The following MCC variants were observed in gnomAD, a reference collection of about 807,000 sequenced individuals.
The protein encoded by MCC is MCC regulator of Wnt signaling pathway.
MCC carries 90 observed loss-of-function variants against 116.2 expected under a neutral mutation model. The ratio of observed to expected loss-of-function variants is 0.77; its 90% confidence interval spans 0.65 to 0.92. The LOEUF (loss-of-function observed/expected upper bound fraction) is 0.92, where lower values mean the gene tolerates loss of function less well. Among genes scored for constraint, MCC ranks in the 40% least tolerant of loss-of-function variants. The pLI is 0.00. For missense variants in MCC, 1,516 were observed against 1,312.2 expected (o/e 1.16, Z -2.40); for synonymous variants, 578 against 510.5 (o/e 1.13, Z -1.78).
intron 3 of MCC, among the ~76,000 whole-genome samples, chr5:113,230,713 A>G (rs1302520239): frequency 6.6e-6 from 1 of 152,164 alleles, no homozygotes; most frequent in African/African-American, 2.4e-5. Flanking sequence ...GCAGATATAA[A>G]TATGTGGTGC....
intron 2 of MCC, among the ~76,000 whole-genome samples, chr5:113,376,574 T>TACACACACACACAC (rs1554079796): frequency 1.1e-3 from 166 of 145,884 alleles, no homozygotes; most frequent in Admixed American, 2.2e-3. Flanking sequence ...CCATATTTTA[T>TACACACACACACAC]ACACACACAC....
At chr5:113,441,053 G>A (rs910451973) in intron 1 of MCC, among the ~76,000 whole-genome samples, 1 of 152,176 alleles carries the variant, frequency 6.6e-6, no homozygotes, top group Non-Finnish European at 1.5e-5. Flanking sequence ...AACAAGTTCT[G>A]TCAAGGTGTG....
At chr5:113,087,923 A>G (rs2150246255) in intron 8 of MCC, among the ~76,000 whole-genome samples, 1 of 152,350 alleles carries the variant, frequency 6.6e-6, no homozygotes, top group Admixed American at 6.5e-5. Context: ...GAAAATGTAG[A>G]TGACACTAAA....
chr5:113,214,751 C>G (rs529428790), intron 3 of MCC, among the ~76,000 whole-genome samples: 1 of 152,352 alleles, frequency 6.6e-6, no homozygotes, highest in East Asian at 1.9e-4. Flanking sequence ...ATTTTCCACA[C>G]TGTAGCCAAG....
chr5:113,071,508 C>A (rs1320474772), intron 11 of MCC, among the ~76,000 whole-genome samples: 1 of 152,182 alleles, frequency 6.6e-6, no homozygotes, highest in Admixed American at 6.5e-5. Flanking sequence ...GGGCACAGTG[C>A]TAGGCTCTGG....
intron 6 of MCC, among the ~76,000 whole-genome samples, chr5:113,112,947 T>A (rs1407837702): frequency 1.3e-5 from 2 of 152,248 alleles, no homozygotes; most frequent in African/African-American, 4.8e-5. Flanking sequence ...TCAATTAAGA[T>A]TCCCAAGGTA....
chr5:113,315,842 C>T (rs1391953589), intron 3 of MCC, among the ~76,000 whole-genome samples: 1 of 151,934 alleles, frequency 6.6e-6, no homozygotes, highest in African/African-American at 2.4e-5. Context: ...CACACCACTG[C>T]GCTCCAGCCC....
At chr5:113,158,732 T>G (rs1760314810) in intron 3 of MCC, among the ~76,000 whole-genome samples, 1 of 152,178 alleles carries the variant, frequency 6.6e-6, no homozygotes, top group Admixed American at 6.5e-5. Flanking sequence ...AGAAAACTAA[T>G]AAATATTAGG....
At chr5:113,262,271 CA>C (rs1189687122) in intron 3 of MCC, among the ~76,000 whole-genome samples, 1 of 151,218 alleles carries the variant, frequency 6.6e-6, no homozygotes, top group Admixed American at 6.6e-5. Context: ...TGATTCTAGG[CA>C]TATCAGTGTC....
intron 3 of MCC, among the ~76,000 whole-genome samples, chr5:113,289,194 G>A (rs1477061827): frequency 6.6e-6 from 1 of 151,884 alleles, no homozygotes; most frequent in Non-Finnish European, 1.5e-5. Flanking sequence ...AGCCGGGAGT[G>A]GTGGCACGTG....
intron 7 of MCC, among the ~76,000 whole-genome samples, chr5:113,103,241 T>G (rs1756536464): frequency 6.6e-6 from 1 of 152,210 alleles, no homozygotes; most frequent in African/African-American, 2.4e-5. Context: ...TGCTGCCACT[T>G]TTCCCATGTG....
chr5:113,466,103 A>G (rs1771896939), intron 1 of MCC, among the ~76,000 whole-genome samples: 1 of 152,016 alleles, frequency 6.6e-6, no homozygotes, highest in African/African-American at 2.4e-5. Context: ...CCATAGCTAG[A>G]GTCAATCTGG....
At chr5:113,076,290 A>G (rs976395055) in intron 11 of MCC, among the ~76,000 whole-genome samples, 3 of 152,202 alleles carry the variant, frequency 2.0e-5, no homozygotes, top group East Asian at 1.9e-4. Context: ...CAACATTCAC[A>G]TTCAGGAAAT....
At position 113,101,225 on chromosome 5, in the gene MCC, C is replaced by T. The variant is rs138710257; in HGVS notation, c.1398+514G>A. 6.9e-3 allele frequency among the ~76,000 whole-genome samples: 1,045 copies of T among 152,134 alleles called. 11 individuals carry two copies. The highest frequency in any genetic ancestry group is 0.024 in the African/African-American group (986 of 41,510). ...TTAAACAGATGCACATACACACATA[C>T]ATATATGCACACAATGTACAAGATA... On this transcript the variant is annotated intron_variant, in intron 8 of 18. Transcript: ENST00000408903.
chr5:113,383,391 G>A (rs1769172449), intron 2 of MCC, among the ~76,000 whole-genome samples: 1 of 152,048 alleles, frequency 6.6e-6, no homozygotes, highest in Non-Finnish European at 1.5e-5. Flanking sequence ...TGTCTATTTT[G>A]TGTCATGCAA....
rs553935566 is a variant in MCC at position 113,351,983 on chromosome 5, A to G, written c.416-11253T>C. Among the ~76,000 whole-genome samples the G allele has an allele frequency of 6.6e-5, 10 of 152,336 alleles. No individual in the cohort carries two copies. In the South Asian group the frequency reaches 2.1e-3, roughly 32 times the overall value. On this transcript the variant is annotated intron_variant, in intron 2 of 18. Coordinates refer to ENST00000408903, the MANE Select transcript of MCC (RefSeq NM_001085377.2). ...GCCAAGCTCTATATTAATCAGCAAGATTTAAAGACCTTCATATTATTACCA... is the reference window on the plus strand; with the variant it reads ...GCCAAGCTCTATATTAATCAGCAAGGTTTAAAGACCTTCATATTATTACCA...
At chr5:113,178,714 ATTCCAC>A (rs1761461914) in intron 3 of MCC, among the ~76,000 whole-genome samples, 2 of 152,156 alleles carry the variant, frequency 1.3e-5, no homozygotes, top group East Asian at 3.8e-4. Context: ...CAATTTTACC[ATTCCAC>A]TTCCACTGTC....
In MCC at chr5:113,064,054, C is replaced by G. The variant is rs151039584; in HGVS notation, c.2143G>C (p.Gly715Arg). The G allele has an allele frequency of 6.3e-3, 10,174 of 1,614,208 alleles. 65 individuals carry two copies. Among genetic ancestry groups the G allele is most frequent in the Non-Finnish European group, 6.3e-3 (7,483 of 1,180,022 alleles). The change falls in exon 14 of 19, where the codon GGG becomes CGG. Residue 715 changes from glycine (G) to arginine (R), a missense_variant. Transcript: ENST00000408903. Reference sequence around the variant, plus strand: ...CAGCCGGCCACGGCAAAGGCTCCCCCACAGCTGCCGTCCAGCTTCATGAGC... The same window carrying G: ...CAGCCGGCCACGGCAAAGGCTCCCCGACAGCTGCCGTCCAGCTTCATGAGC... The part of the protein sequence containing the change: ...ALLMKLDGSC[G>R]GAFAVAGCSV...
At chr5:113,233,067 C>T (rs1205855797) in intron 3 of MCC, among the ~76,000 whole-genome samples, 2 of 149,074 alleles carry the variant, frequency 1.3e-5, no homozygotes, top group African/African-American at 5.2e-5. Context: ...AGCCAGCAGG[C>T]AGGCAGTGCT....
Sources: gnomAD v4.1 joint callset for allele counts (sites outside exome capture counted in the v4.1 genomes callset) on GRCh38, gnomAD v4.1.1 for gene constraint, MANE v1.5 for transcripts, NCBI Gene and HGNC (gene_info 2026-07-23, HGNC 2026-07-21) for gene names.